Variants in PHKG2 observed in about 807,000 individuals in gnomAD.
PHKG2 encodes the protein phosphorylase b kinase gamma catalytic chain, liver/testis isoform.
In PHKG2, 28 loss-of-function variants were observed where a neutral mutation model predicts 44.5. That is an observed-to-expected ratio of 0.63 (90% CI 0.47 to 0.86). The LOEUF is 0.86. PHKG2 is among the 40% of genes least tolerant of loss of function. PHKG2 has a pLI of 0.00. For synonymous variants in PHKG2, 220 were observed against 211.2 expected (o/e 1.04, Z -0.36); for missense variants, 498 against 547.5 (o/e 0.91, Z 0.90).
At chr16:30,753,617 G>T in intron 6 of PHKG2, 60 bp downstream of exon 6, 1 of 1,546,520 alleles carries the variant, frequency 6.5e-7, no homozygotes, top group Non-Finnish European at 8.9e-7. Flanking sequence ...GATGAGATTG[G>T]TTGGCTGGGT....
Position 30,751,147 on chromosome 16 carries a change from C to A in PHKG2, c.137C>A (p.Thr46Asn). The change falls in exon 3 of 10, where the codon ACT becomes AAT. Residue 46 changes from threonine to asparagine, a missense_variant. Physicochemically the swap from Thr to Asn is moderately conservative, Grantham distance 65 (BLOSUM62 0). Coordinates refer to ENST00000563588, the MANE Select transcript of PHKG2 (RefSeq NM_000294.3). ...GTCCGCCGTTGTGTTCATCGAGCTA[C>A]TGGCCACGAGTTTGCGGTGAAGATT... ...SVVRRCVHRATGHEFAVKIME... is the reference protein window; with the variant it reads ...SVVRRCVHRANGHEFAVKIME... The A allele has an allele frequency of 1.2e-6, 2 of 1,614,028 alleles. No individual in the cohort carries two copies. The highest frequency in any genetic ancestry group is 1.7e-6 in the Non-Finnish European group (2 of 1,180,040).
In PHKG2 at chr16:30,753,310, C is replaced by G. The variant is rs777689254; in HGVS notation, c.392+13C>G. On this transcript the variant is annotated intron_variant, in intron 5 of 9. Coordinates refer to ENST00000563588, the MANE Select transcript of PHKG2 (RefSeq NM_000294.3). ...AAAAGGAAACCAGGTAAGGGTTGAG[C>G]CTGAAGCCCCAGGGGTGAGCAGGGG... 1.2e-6 allele frequency: 2 copies of G among 1,613,836 alleles called. No individual in the cohort carries two copies. The highest frequency in any genetic ancestry group is 8.5e-7 in the Non-Finnish European group (1 of 1,179,802).
rs1020248195 is a variant in PHKG2, at chr16:30,757,401, G to A, written c.*304G>A. On this transcript the variant is annotated 3_prime_UTR_variant, in exon 10 of 10. Coordinates refer to ENST00000563588, the MANE Select transcript of PHKG2 (RefSeq NM_000294.3). Reference sequence around the variant, plus strand: ...GTGTCTGTCTGGCTTGGGCAGGAAAGCCCAGAAGGTGCTCAGCAGGGTGCA... The same window carrying A: ...GTGTCTGTCTGGCTTGGGCAGGAAAACCCAGAAGGTGCTCAGCAGGGTGCA... 5 of 1,553,090 alleles carry A rather than the reference G, an allele frequency of 3.2e-6. No homozygotes were observed. In the East Asian group the frequency reaches 9.0e-5, roughly 28 times the overall value.
chr16:30,759,586 T>A lies in PHKG2; in HGVS notation c.*2489T>A. On this transcript the variant is annotated 3_prime_UTR_variant, in exon 10 of 10. Coordinates refer to ENST00000563588, the MANE Select transcript of PHKG2 (RefSeq NM_000294.3). ...CACAAGAAGATAAGGGTGATGAATG[T>A]GAGAGAGACTGGGTGAGACCTTGTC... 1.2e-6 allele frequency: 2 copies of A among 1,614,070 alleles called. No individual in the cohort carries two copies. The highest frequency in any genetic ancestry group is 1.7e-6 in the Non-Finnish European group (2 of 1,180,004).
At chr16:30,754,915 T>A in intron 6 of PHKG2, 1 of 455,804 alleles carries the variant, frequency 2.2e-6, no homozygotes, top group Non-Finnish European at 4.4e-6. Context: ...CATTTGCCAC[T>A]TGGCAAATCA....
intron 4 of PHKG2, 52 bp from the exon 5 acceptor site, chr16:30,753,180 C>T (rs747427432): frequency 7.1e-7 from 1 of 1,416,096 alleles, no homozygotes; most frequent in Non-Finnish European, 1.0e-6. Context: ...GGTCTGTTTT[C>T]TCAGCCCCCA....
rs753883532 is a variant in PHKG2, at chr16:30,757,469, T to G, written c.*372T>G. The G allele has an allele frequency of 1.2e-6, 2 of 1,611,048 alleles. No homozygotes were observed. Among genetic ancestry groups the G allele is most frequent in the South Asian group, 2.2e-5 (2 of 90,744 alleles). ...GCCCAGACCTTTATTGGGGAAAATG[T>G]TGGGGGTCACTTGGTCTTGCTCTTG... On this transcript the variant is annotated 3_prime_UTR_variant, in exon 10 of 10. Coordinates refer to ENST00000563588, the MANE Select transcript of PHKG2 (RefSeq NM_000294.3).
At chr16:30,752,072 G>A (rs1201824943) in intron 4 of PHKG2, among the ~76,000 whole-genome samples, 8 of 148,000 alleles carry the variant, frequency 5.4e-5, no homozygotes, top group Non-Finnish European at 1.0e-4. Context: ...CAGCGTGGGC[G>A]ACAGAGTGAG....
chr16:30,757,312 G>T lies in PHKG2; in HGVS notation c.*215G>T. The T allele has an allele frequency of 6.5e-7, 1 of 1,535,980 alleles. No individual in the cohort carries two copies. Among genetic ancestry groups the T allele is most frequent in the Non-Finnish European group, 8.7e-7 (1 of 1,148,244 alleles). On this transcript the variant is annotated 3_prime_UTR_variant, in exon 10 of 10. Transcript: ENST00000563588. ...CATTCTGAACGCCACGCCTGGCCCG[G>T]TCAGTGCTGCATGCACTGCATATGA...
In PHKG2 at chr16:30,759,815, G is replaced by A. The variant is rs1300063625; in HGVS notation, c.*2718G>A. Reference sequence around the variant, plus strand: ...CAGCTGTTTATGACCATGAGCTTCAGAAGCAGACAGATCTGGGTTTCAGCA... The same window carrying A: ...CAGCTGTTTATGACCATGAGCTTCAAAAGCAGACAGATCTGGGTTTCAGCA... On this transcript the variant is annotated 3_prime_UTR_variant, in exon 10 of 10. Coordinates refer to ENST00000563588, the MANE Select transcript of PHKG2 (RefSeq NM_000294.3). The A allele has an allele frequency of 2.6e-6, 4 of 1,510,198 alleles. No homozygotes were observed. The South Asian group carries it at 4.1e-5, about 15-fold the overall frequency. The allele number at this position is 1,510,198 out of a possible 1,614,324, so 93.5% of individuals were successfully genotyped here. A position where few individuals can be genotyped will look rare whatever the true frequency, so the allele number is the denominator to read the frequency against.
Position 30,757,101 on chromosome 16 carries a change from C to T in PHKG2, c.*4C>T, listed in dbSNP as rs548164881. The T allele has an allele frequency of 8.1e-6, 13 of 1,613,136 alleles. No individual in the cohort carries two copies. The East Asian group carries it at 2.2e-4, about 28-fold the overall frequency. On this transcript the variant is annotated 3_prime_UTR_variant, in exon 10 of 10. Coordinates refer to ENST00000563588, the MANE Select transcript of PHKG2 (RefSeq NM_000294.3). ...GGCCGTGCTTGTGCTGGGCTAGGAC[C>T]TCAACCCCAGGGATTCCCAGGAAGC...
rs766242065 is a variant in PHKG2 at position 30,759,487 on chromosome 16, T to G, written c.*2390T>G. 2 of 1,614,094 alleles carry G rather than the reference T, an allele frequency of 1.2e-6. No homozygotes were observed. The highest frequency in any genetic ancestry group is 2.7e-5 in the African/African-American group (2 of 74,922). Reference sequence around the variant, plus strand: ...TGGTGGTGACTCGGAATTAGAACCCTGACTACCTTCCGGAGCCCTGGCTTT... The same window carrying G: ...TGGTGGTGACTCGGAATTAGAACCCGGACTACCTTCCGGAGCCCTGGCTTT... On this transcript the variant is annotated 3_prime_UTR_variant, in exon 10 of 10. Transcript: ENST00000563588.
chr16:30,750,964 G>C, intron 2 of PHKG2, 142 bp from the exon 3 acceptor site: 2 of 834,360 alleles, frequency 2.4e-6, no homozygotes, highest in Non-Finnish European at 4.0e-6. Context: ...GTGAAGCCAG[G>C]GTGAGCTCCT....
Position 30,760,130 on chromosome 16 carries a change from G to C in PHKG2, c.*3033G>C. 1 of 1,556,558 alleles carries C rather than the reference G, an allele frequency of 6.4e-7. No homozygotes were observed. Among genetic ancestry groups the C allele is most frequent in the Non-Finnish European group, 8.6e-7 (1 of 1,157,308 alleles). The stretch of plus-strand genomic sequence containing the variant: ...TCCTTAATTTCTAGATAAGGAAGCA[G>C]TGGATTGGAAAGCTGATGGCTTGTG... On this transcript the variant is annotated 3_prime_UTR_variant, in exon 10 of 10. Transcript: ENST00000563588.
chr16:30,755,571 G>T (rs1443837306), intron 6 of PHKG2, among the ~76,000 whole-genome samples: 1 of 152,064 alleles, frequency 6.6e-6, no homozygotes, highest in Non-Finnish European at 1.5e-5. Context: ...AGCTACTCGG[G>T]AGACTGAGGC....
Position 30,759,012 on chromosome 16 carries a change from TTGGCTC to T in PHKG2, c.*1925_*1930del, listed in dbSNP as rs749042317. 6 of 1,614,222 alleles carry T rather than the reference TTGGCTC, an allele frequency of 3.7e-6. No homozygotes were observed. The highest frequency in any genetic ancestry group is 1.3e-5 in the African/African-American group (1 of 75,060). On this transcript the variant is annotated 3_prime_UTR_variant, in exon 10 of 10. Coordinates refer to ENST00000563588, the MANE Select transcript of PHKG2 (RefSeq NM_000294.3). ...CAGCCTGCCCTCTCCAGATCCTCAC[TTGGCTC>T]TGGCTCTGGTGGGGCCACTGTCTCT...
intron 6 of PHKG2, among the ~76,000 whole-genome samples, chr16:30,755,678 A>G (rs2053411352): frequency 6.6e-6 from 1 of 151,168 alleles, no homozygotes; most frequent in Non-Finnish European, 1.5e-5. Context: ...TCCATCTCCA[A>G]AAAAAAAAGA....
At chr16:30,751,059 A>G in intron 2 of PHKG2, 47 bp from the exon 3 acceptor site, 1 of 1,599,192 alleles carries the variant, frequency 6.3e-7, no homozygotes, top group Non-Finnish European at 8.5e-7. Context: ...CTGTGCGGAA[A>G]TGTGAGCACA....
At position 30,756,408 on chromosome 16, in the gene PHKG2, C is replaced by T. The variant is rs764170465; in HGVS notation, c.689C>T (p.Ser230Leu). Residue 230 changes from serine to leucine, a missense_variant, in exon 8 of 10, where the codon TCG becomes TTG. Coordinates refer to ENST00000563588, the MANE Select transcript of PHKG2 (RefSeq NM_000294.3). ...GVILFTLLAG[S>L]PPFWHRRQIL... Reference sequence around the variant, plus strand: ...ATCTTGTTCACACTCCTGGCTGGCTCGCCACCCTTCTGGCACCGGCGGCAG... The same window carrying T: ...ATCTTGTTCACACTCCTGGCTGGCTTGCCACCCTTCTGGCACCGGCGGCAG... 4.3e-6 allele frequency: 7 copies of T among 1,614,024 alleles called. No individual in the cohort carries two copies. Among genetic ancestry groups the T allele is most frequent in the Admixed American group, 1.7e-5 (1 of 60,028 alleles).
Sources: allele counts gnomAD v4.1 joint callset (sites outside exome capture counted in the v4.1 genomes callset), GRCh38; gene constraint gnomAD v4.1.1; transcripts MANE v1.5; gene names NCBI Gene and HGNC (gene_info 2026-07-23, HGNC 2026-07-21).